Variants in KIF13B observed in about 807,000 individuals in gnomAD.
KIF13B encodes kinesin-like protein KIF13B.
Under a neutral mutation model 222.0 loss-of-function variants are expected in KIF13B, and 127 were observed. The ratio of observed to expected loss-of-function variants is 0.57; its 90% CI spans 0.50 to 0.66. KIF13B has a LOEUF of 0.66. Among genes scored for constraint, KIF13B ranks in the 30% least tolerant of loss-of-function variants. KIF13B has a pLI of 0.00. For missense variants in KIF13B, 2,173 were observed against 2,379.0 expected (o/e 0.91, Z 1.80); for synonymous variants, 976 against 919.0 (o/e 1.06, Z -1.12).
chr8:29,103,511 A>C (rs1808898681), intron 35 of KIF13B, among the ~76,000 whole-genome samples: 1 of 152,202 alleles, frequency 6.6e-6, no homozygotes, highest in African/African-American at 2.4e-5. Flanking sequence ...CACTACTTCC[A>C]TCAGGGATCA....
At chr8:29,157,392 CAAAAAAAA>C (rs371702237) in intron 13 of KIF13B, among the ~76,000 whole-genome samples, 4 of 89,184 alleles carry the variant, frequency 4.5e-5, no homozygotes, top group African/African-American at 1.3e-4. Flanking sequence ...TCGTCTCTAC[CAAAAAAAA>C]AAAAAAAAAA....
intron 2 of KIF13B, chr8:29,219,260 A>G (rs537849361): frequency 6.6e-6 from 1 of 152,480 alleles, no homozygotes; most frequent in East Asian, 1.9e-4. Flanking sequence ...GATGTGGAAT[A>G]ATAACGCTGC....
chr8:29,146,740 C>T (rs1463033262), intron 17 of KIF13B, among the ~76,000 whole-genome samples, 200 bp from the exon 18 acceptor site: 1 of 152,180 alleles, frequency 6.6e-6, no homozygotes, highest in African/African-American at 2.4e-5. Context: ...CACTGGAAAG[C>T]AGCCACACAG....
At chr8:29,164,159 T>C (rs985851737) in intron 12 of KIF13B, among the ~76,000 whole-genome samples, 8 of 152,222 alleles carry the variant, frequency 5.3e-5, no homozygotes, top group African/African-American at 1.4e-4. Flanking sequence ...ATAAAAATGT[T>C]TTTAAAATCT....
chr8:29,072,239 G>C lies in KIF13B; in HGVS notation c.4599C>G (p.Ala1533=). 2 of 1,471,672 alleles carry C rather than the reference G, an allele frequency of 1.4e-6. No individual in the cohort carries two copies. Among genetic ancestry groups the C allele is most frequent in the South Asian group, 2.9e-5 (2 of 69,926 alleles). 91.2% of individuals were successfully genotyped at this position (1,471,672 alleles called of 1,614,324 possible). A position where few individuals can be genotyped will look rare whatever the true frequency, so the allele number is the denominator to read the frequency against. The change falls in exon 39 of 40, where the codon GCC becomes GCG. Residue 1533 remains alanine, a synonymous_variant. Transcript: ENST00000524189. ...TGACAGGCGGTGGGGAAGGCACTTT[G>C]GCAGGTTTGTCGCAGATCTTCAAGG... ...APALKICDKP[A]KVPSPPPVIA...
Position 29,072,206 on chromosome 8 carries a change from G to C in KIF13B, c.4632C>G (p.Val1544=). 6.9e-7 allele frequency: 1 copy of C among 1,459,060 alleles called. No homozygotes were observed. The highest frequency in any genetic ancestry group is 9.0e-7 in the Non-Finnish European group (1 of 1,108,272). The allele number at this position is 1,459,060 out of a possible 1,614,324, so 90.4% of individuals were successfully genotyped here. A position where few individuals can be genotyped will look rare whatever the true frequency, so the allele number is the denominator to read the frequency against. ...KVPSPPPVIA[V]TAVTPAPEAQ... is the part of the protein sequence containing the mutation. ...CCTCCGGAGCCGGGGTGACCGCTGT[G>C]ACAGCTATGACAGGCGGTGGGGAAG... Residue 1544 remains valine (V), a synonymous_variant, in exon 39 of 40, where the codon GTC becomes GTG. Coordinates refer to ENST00000524189, the MANE Select transcript of KIF13B (RefSeq NM_015254.4).
chr8:29,126,554 A>G, intron 25 of KIF13B, 43 bp from the exon 26 acceptor site: 1 of 1,180,332 alleles, frequency 8.5e-7, no homozygotes, highest in Non-Finnish European at 1.2e-6. Flanking sequence ...TTATTGATTT[A>G]TCCAAGAATC....
chr8:29,194,089 G>T (rs1335376991), intron 3 of KIF13B, among the ~76,000 whole-genome samples: 2 of 151,540 alleles, frequency 1.3e-5, no homozygotes, highest in Admixed American at 6.6e-5. Context: ...CTCCCAAAGT[G>T]CTGGGATTAC....
At chr8:29,255,615 C>G (rs1816444864) in intron 1 of KIF13B, among the ~76,000 whole-genome samples, 1 of 152,068 alleles carries the variant, frequency 6.6e-6, no homozygotes, top group South Asian at 2.1e-4. Flanking sequence ...CCACTCTGAA[C>G]CCTCCCCTTC....
In KIF13B at chr8:29,119,955, T is replaced by C. The variant is rs146120550; in HGVS notation, c.3536-963A>G. On this transcript the variant is annotated intron_variant, in intron 29 of 39. Coordinates refer to ENST00000524189, the MANE Select transcript of KIF13B (RefSeq NM_015254.4). ...AAACCACGGAGGACATCCACACTCA[T>C]CTATTAAGGAGAGTTAACGTTAATA... Among the ~76,000 whole-genome samples the C allele has an allele frequency of 2.1e-3, 320 of 152,314 alleles. 1 individual carries two copies. The highest frequency in any genetic ancestry group is 4.1e-3 in the Non-Finnish European group (278 of 68,020).
chr8:29,144,462 T>C (rs1319769619), intron 18 of KIF13B, among the ~76,000 whole-genome samples: 1 of 152,124 alleles, frequency 6.6e-6, no homozygotes, highest in Non-Finnish European at 1.5e-5. Flanking sequence ...TTCATCATAT[T>C]GGCCAGGCTG....
chr8:29,082,323 A>G (rs1807848736), intron 37 of KIF13B, among the ~76,000 whole-genome samples: 1 of 152,230 alleles, frequency 6.6e-6, no homozygotes, highest in Admixed American at 6.5e-5. Flanking sequence ...TTATAGTCTA[A>G]CTTATTCTAA....
intron 32 of KIF13B, among the ~76,000 whole-genome samples, chr8:29,112,796 C>T (rs1243346535): frequency 2.0e-5 from 3 of 152,178 alleles, no homozygotes; most frequent in Non-Finnish European, 4.4e-5. Flanking sequence ...GTCTAATTCA[C>T]GAATCACCTA....
chr8:29,163,607 G>C (rs1811873579), intron 12 of KIF13B, among the ~76,000 whole-genome samples: 1 of 152,196 alleles, frequency 6.6e-6, no homozygotes, highest in African/African-American at 2.4e-5. Context: ...AAAGATATCA[G>C]TTTGGATTAG....
chr8:29,230,309 G>A (rs1167325371), intron 2 of KIF13B, among the ~76,000 whole-genome samples: 1 of 152,090 alleles, frequency 6.6e-6, no homozygotes, highest in Non-Finnish European at 1.5e-5. Flanking sequence ...AAACTCCCTC[G>A]CAGCACCTCT....
intron 2 of KIF13B, among the ~76,000 whole-genome samples, chr8:29,216,814 G>A (rs1814502937): frequency 6.6e-6 from 1 of 152,148 alleles, no homozygotes; most frequent in African/African-American, 2.4e-5. Flanking sequence ...ACTGGGCTAT[G>A]ACCTAGGGAA....
At chr8:29,202,247 G>A (rs1813726319) in intron 2 of KIF13B, among the ~76,000 whole-genome samples, 1 of 152,176 alleles carries the variant, frequency 6.6e-6, no homozygotes, top group Admixed American at 6.5e-5. Context: ...AAGCTAACTT[G>A]TTTTAGGTCA....
chr8:29,129,793 A>G (rs1810267917), intron 24 of KIF13B, among the ~76,000 whole-genome samples: 1 of 152,198 alleles, frequency 6.6e-6, no homozygotes, highest in Non-Finnish European at 1.5e-5. Flanking sequence ...TGGCATGTGT[A>G]TCTACCCAGC....
intron 31 of KIF13B, among the ~76,000 whole-genome samples, chr8:29,116,374 T>C (rs1809597106): frequency 6.6e-6 from 1 of 151,774 alleles, no homozygotes; most frequent in African/African-American, 2.4e-5. Flanking sequence ...GAGGCTGAGA[T>C]GGAAGGATCA....
Sources: gnomAD v4.1 joint callset for allele counts (sites outside exome capture counted in the v4.1 genomes callset) on GRCh38, gnomAD v4.1.1 for gene constraint, MANE v1.5 for transcripts, NCBI Gene and HGNC (gene_info 2026-07-23, HGNC 2026-07-21) for gene names.